Variants in TLN2 observed in about 807,000 individuals in gnomAD.
The protein encoded by TLN2 is talin-2.
TLN2 carries 118 observed loss-of-function variants against 294.7 expected under a neutral mutation model. The observed-to-expected ratio is 0.40, with a 90% CI of 0.34 to 0.47. The LOEUF (loss-of-function observed/expected upper bound fraction) is 0.47, where lower values mean the gene tolerates loss of function less well. Ranked by LOEUF, TLN2 falls within the 20% of genes least tolerant of loss-of-function variation. TLN2 has a pLI of 0.84. For synonymous variants in TLN2, 1,431 were observed against 1,304.5 expected (o/e 1.10, Z -2.09); for missense variants, 3,083 against 3,282.2 (o/e 0.94, Z 1.48).
intron 1 of TLN2, among the ~76,000 whole-genome samples, chr15:62,450,614 A>G (rs2036077695): frequency 6.6e-6 from 1 of 151,760 alleles, no homozygotes; most frequent in South Asian, 2.1e-4. Context: ...TGACTTTGAC[A>G]TCTGGGCTGG....
intron 11 of TLN2, among the ~76,000 whole-genome samples, chr15:62,678,597 A>G (rs901400398): frequency 2.6e-5 from 4 of 152,176 alleles, no homozygotes; most frequent in African/African-American, 9.7e-5. Context: ...TTGGGAGGCC[A>G]GGGCAGGCAG....
chr15:62,523,628 G>A (rs898991083), intron 1 of TLN2, among the ~76,000 whole-genome samples: 51 of 152,308 alleles, frequency 3.3e-4, no homozygotes, highest in African/African-American at 1.2e-3. Context: ...CCCAGTAATT[G>A]ATATATCAAA....
chr15:62,714,070 T>C (rs1438671012), intron 22 of TLN2, among the ~76,000 whole-genome samples: 3 of 151,616 alleles, frequency 2.0e-5, no homozygotes, highest in African/African-American at 7.3e-5. Flanking sequence ...CTTGGTAGGT[T>C]GGAAAGAACT....
At chr15:62,642,532 T>G (rs1466392503) in intron 3 of TLN2, among the ~76,000 whole-genome samples, 1 of 152,132 alleles carries the variant, frequency 6.6e-6, no homozygotes, top group Non-Finnish European at 1.5e-5. Context: ...CATAAATCTT[T>G]ATCGAGGTGT....
At chr15:62,681,818 TCTCA>T (rs2056856878) in intron 11 of TLN2, among the ~76,000 whole-genome samples, 1 of 152,202 alleles carries the variant, frequency 6.6e-6, no homozygotes. Context: ...CGAGACACGA[TCTCA>T]CTCTGTCACC....
At chr15:62,555,829 AAT>A (rs1404197488) in intron 1 of TLN2, among the ~76,000 whole-genome samples, 1 of 152,120 alleles carries the variant, frequency 6.6e-6, no homozygotes, top group Non-Finnish European at 1.5e-5. Flanking sequence ...GTGATAATAG[AAT>A]ATGTCTATTT....
rs1040468476 is a variant in TLN2 at position 62,843,790 on chromosome 15, A to G, written c.*3180A>G. 2.0e-5 allele frequency: 3 copies of G among 152,210 alleles called. No individual in the cohort carries two copies. The highest frequency in any genetic ancestry group is 7.2e-5 in the African/African-American group (3 of 41,454). 9.4% of individuals were successfully genotyped at this position (152,210 alleles called of 1,614,324 possible). Reference sequence around the variant, plus strand: ...CCAAAACCTCATCAAGGAACCAGACACAGGTCAAAAGTGGTGAGCAAGCCA... The same window carrying G: ...CCAAAACCTCATCAAGGAACCAGACGCAGGTCAAAAGTGGTGAGCAAGCCA... On this transcript the variant is annotated 3_prime_UTR_variant, in exon 59 of 59. Transcript: ENST00000636159.
rs1185776939 is a variant in TLN2 at position 62,675,218 on chromosome 15, A to G, written c.854A>G (p.Glu285Gly). ...TCCCGACCACTGTCACTTTTGCAGG[A>G]GCATAAGAACTGCGGAGAGATGAGT... ...QRGAEKRIFQEHKNCGEMSEI... is the reference protein window; with the variant it reads ...QRGAEKRIFQGHKNCGEMSEI... Residue 285 changes from glutamate to glycine, a missense_variant and splice_region_variant, in exon 11 of 59, where the codon GAG becomes GGG. Transcript: ENST00000636159. 6.2e-7 allele frequency: 1 copy of G among 1,614,006 alleles called. No individual in the cohort carries two copies. The highest frequency in any genetic ancestry group is 1.3e-5 in the African/African-American group (1 of 74,920).
chr15:62,776,026 C>A (rs1271423850), intron 42 of TLN2, among the ~76,000 whole-genome samples: 1 of 152,196 alleles, frequency 6.6e-6, no homozygotes, highest in Non-Finnish European at 1.5e-5. Flanking sequence ...AACTAGAACC[C>A]AGGTTTGTCT....
chr15:62,394,856 A>T (rs934186386), intron 1 of TLN2, among the ~76,000 whole-genome samples: 3 of 152,154 alleles, frequency 2.0e-5, no homozygotes, highest in African/African-American at 7.2e-5. Context: ...GAGAGTCTTT[A>T]TATGTCACCC....
intron 3 of TLN2, among the ~76,000 whole-genome samples, chr15:62,641,571 C>G (rs953154609): frequency 6.6e-6 from 1 of 152,008 alleles, no homozygotes; most frequent in Non-Finnish European, 1.5e-5. Flanking sequence ...TGCAGTGACC[C>G]GAGATTGCGC....
chr15:62,496,432 T>C (rs1188544091), intron 1 of TLN2, among the ~76,000 whole-genome samples: 1 of 152,168 alleles, frequency 6.6e-6, no homozygotes, highest in East Asian at 1.9e-4. Context: ...GTAAAAGAGC[T>C]CCACCCGTGA....
chr15:62,439,045 G>C (rs1360958175), intron 1 of TLN2, among the ~76,000 whole-genome samples: 1 of 152,144 alleles, frequency 6.6e-6, no homozygotes, highest in African/African-American at 2.4e-5. Context: ...ATTATATGTG[G>C]TTGTAAATAT....
chr15:62,587,662 T>C (rs2045722655), intron 1 of TLN2, among the ~76,000 whole-genome samples: 1 of 152,208 alleles, frequency 6.6e-6, no homozygotes, highest in Admixed American at 6.5e-5. Flanking sequence ...TCCATCTCCC[T>C]GCTTCCATAA....
chr15:62,463,562 C>T (rs150133829), intron 1 of TLN2, among the ~76,000 whole-genome samples: 10 of 152,154 alleles, frequency 6.6e-5, no homozygotes, highest in Non-Finnish European at 1.3e-4. Context: ...GAGATACCAT[C>T]TCACGCCAGT....
intron 50 of TLN2, among the ~76,000 whole-genome samples, chr15:62,803,985 C>G (rs923699495): frequency 7.2e-5 from 11 of 152,186 alleles, no homozygotes; most frequent in African/African-American, 2.2e-4. Context: ...TAAGCCGTAT[C>G]TGCATCGGGG....
chr15:62,408,994 G>C (rs1238861708), intron 1 of TLN2, among the ~76,000 whole-genome samples: 1 of 150,572 alleles, frequency 6.6e-6, no homozygotes, highest in Non-Finnish European at 1.5e-5. Context: ...TATTTTTTGG[G>C]GGGTACAGGG....
chr15:62,476,968 G>C (rs1342549097), intron 1 of TLN2, among the ~76,000 whole-genome samples: 2 of 152,230 alleles, frequency 1.3e-5, no homozygotes, highest in South Asian at 4.1e-4. Context: ...GTCTGTCTTT[G>C]CACTTAAAAC....
intron 1 of TLN2, among the ~76,000 whole-genome samples, chr15:62,524,313 G>T (rs1029739109): frequency 9.2e-5 from 14 of 152,068 alleles, no homozygotes; most frequent in African/African-American, 3.1e-4. Context: ...CTTTGTCAAT[G>T]GCAGATTTTA....
Sources: allele counts gnomAD v4.1 joint callset (sites outside exome capture counted in the v4.1 genomes callset), GRCh38; gene constraint gnomAD v4.1.1; transcripts MANE v1.5; gene names NCBI Gene and HGNC (gene_info 2026-07-23, HGNC 2026-07-21).